The following PCSK5 variants were observed in gnomAD, a reference collection of about 807,000 sequenced individuals.
PCSK5 encodes prohormone convertase 5.
In PCSK5, 129 loss-of-function variants were observed where a neutral mutation model predicts 233.2. That is an observed-to-expected ratio of 0.55 (90% CI 0.48 to 0.64). PCSK5 has a LOEUF of 0.64. Ranked by LOEUF, PCSK5 falls within the 30% of genes least tolerant of loss-of-function variation. The pLI, the probability that PCSK5 is intolerant of heterozygous loss-of-function variation, is 0.00. For synonymous variants in PCSK5, 825 were observed against 879.2 expected, an observed-to-expected ratio of 0.94 and a Z score of 1.09; for missense variants, 2,076 against 2,430.1, an observed-to-expected ratio of 0.85 and a Z score of 3.06.
At chr9:76,108,367 G>C (rs765237958) in intron 9 of PCSK5, among the ~76,000 whole-genome samples, 2 of 152,206 alleles carry the variant, frequency 1.3e-5, no homozygotes, top group African/African-American at 4.8e-5. Flanking sequence ...GGGAGGAAGG[G>C]AAAGGCCCAT....
At chr9:76,229,728 CTG>C (rs1206843372) in intron 21 of PCSK5, among the ~76,000 whole-genome samples, 9 of 152,252 alleles carry the variant, frequency 5.9e-5, no homozygotes, top group African/African-American at 2.2e-4. Flanking sequence ...CCCTGACATG[CTG>C]TCTCTTTCAT....
chr9:76,332,536 C>T lies in PCSK5; in HGVS notation c.4674C>T (p.His1558=), dbSNP rs1829566422. Residue 1558 remains histidine, a synonymous_variant, in exon 34 of 38, where the codon CAC becomes CAT. Coordinates refer to ENST00000674117, the MANE Select transcript of PCSK5 (RefSeq NM_001372043.1). The part of the protein sequence containing the change: ...HSSCRTCEGR[H]SRQCHSCRPG... Reference sequence around the variant, plus strand: ...CTTGCAGGACATGTGAAGGGAGACACAGCAGGCAGTGCCACTCCTGCCGAC... The same window carrying T: ...CTTGCAGGACATGTGAAGGGAGACATAGCAGGCAGTGCCACTCCTGCCGAC... 23 of 1,612,534 alleles carry T rather than the reference C, an allele frequency of 1.4e-5. No homozygotes were observed. In the East Asian group the frequency reaches 5.1e-4, roughly 36 times the overall value.
intron 2 of PCSK5, among the ~76,000 whole-genome samples, chr9:75,964,772 G>A (rs777935782): frequency 3.3e-5 from 5 of 152,052 alleles, no homozygotes; most frequent in Admixed American, 6.6e-5. Context: ...TGCTCATTGC[G>A]TATCTACTAT....
chr9:76,092,889 G>C (rs1309892480), intron 7 of PCSK5, among the ~76,000 whole-genome samples: 1 of 151,944 alleles, frequency 6.6e-6, no homozygotes. Context: ...TTCCCTCTTA[G>C]TAGAGGAATT....
At chr9:76,002,980 CTT>C (rs1230417391) in intron 3 of PCSK5, among the ~76,000 whole-genome samples, 1 of 152,228 alleles carries the variant, frequency 6.6e-6, no homozygotes, top group Non-Finnish European at 1.5e-5. Flanking sequence ...TGGGTACACA[CTT>C]TGCTTTCCAT....
chr9:75,935,596 C>A (rs1273225951), intron 2 of PCSK5, among the ~76,000 whole-genome samples: 1 of 152,114 alleles, frequency 6.6e-6, no homozygotes, highest in Non-Finnish European at 1.5e-5. Context: ...TTGATTGCCT[C>A]TTTTCAGGGC....
chr9:76,251,994 G>A (rs996059325), intron 24 of PCSK5, among the ~76,000 whole-genome samples: 1 of 152,026 alleles, frequency 6.6e-6, no homozygotes, highest in Non-Finnish European at 1.5e-5. Context: ...GAGGCCGGGC[G>A]TGGTGGCTCA....
chr9:75,956,894 C>T (rs1281108188), intron 2 of PCSK5, among the ~76,000 whole-genome samples: 2 of 152,112 alleles, frequency 1.3e-5, no homozygotes, highest in African/African-American at 4.8e-5. Context: ...ACATAAGTCA[C>T]AAATTGTGAA....
intron 13 of PCSK5, among the ~76,000 whole-genome samples, chr9:76,173,793 T>C (rs575728413): frequency 1.3e-5 from 2 of 151,784 alleles, no homozygotes; most frequent in East Asian, 3.9e-4. Flanking sequence ...ACCAACATGG[T>C]GAAACCCTGT....
Position 76,344,215 on chromosome 9 carries a change from G to A in PCSK5, c.4966+5768G>A, listed in dbSNP as rs73652927. ...GGTTTCAAATGATATTTTAGCAGTG[G>A]CCACCTTCCTCAGATAAAATCTGAG... On this transcript the variant is annotated intron_variant, in intron 35 of 37. Coordinates refer to ENST00000674117, the MANE Select transcript of PCSK5 (RefSeq NM_001372043.1). Among the ~76,000 whole-genome samples the A allele has an allele frequency of 8.1e-3, 1,238 of 152,190 alleles. 7 individuals carry two copies. Among genetic ancestry groups the A allele is most frequent in the African/African-American group, 0.028 (1,151 of 41,520 alleles).
intron 32 of PCSK5, among the ~76,000 whole-genome samples, chr9:76,325,665 TGC>T (rs1347880395): frequency 6.6e-6 from 1 of 152,140 alleles, no homozygotes; most frequent in South Asian, 2.1e-4. Flanking sequence ...GACGGAGTTT[TGC>T]TCTCGTTGCT....
At position 76,361,064 on chromosome 9, in the gene PCSK5, G is replaced by A. The variant is rs984460195; in HGVS notation, c.*2142G>A. On this transcript the variant is annotated 3_prime_UTR_variant, in exon 38 of 38. Transcript: ENST00000674117. ...TTGATCATTTAAAATTATCTCCTTGGCCAGGCGTGGTGGCTCATACCTCTA... is the reference window on the plus strand; with the variant it reads ...TTGATCATTTAAAATTATCTCCTTGACCAGGCGTGGTGGCTCATACCTCTA... The A allele has an allele frequency of 1.3e-5, 2 of 152,072 alleles. No individual in the cohort carries two copies. The highest frequency in any genetic ancestry group is 2.9e-5 in the Non-Finnish European group (2 of 68,040). 9.4% of individuals were successfully genotyped at this position (152,072 alleles called of 1,614,324 possible). A position where few individuals can be genotyped will look rare whatever the true frequency, so the allele number is the denominator to read the frequency against.
intron 11 of PCSK5, among the ~76,000 whole-genome samples, chr9:76,157,698 T>A (rs922074340): frequency 1.3e-5 from 2 of 152,100 alleles, no homozygotes; most frequent in African/African-American, 4.8e-5. Flanking sequence ...CTTTTCTCTC[T>A]GAAAAATATT....
intron 35 of PCSK5, among the ~76,000 whole-genome samples, chr9:76,341,230 C>CA (rs11446663): frequency 0.39 from 58,148 of 150,184 alleles, 11,730 homozygotes; most frequent in East Asian, 0.75. Flanking sequence ...GCCTCAAAAA[C>CA]AAAAAAAAAG....
At chr9:76,182,701 T>C (rs1168366452) in intron 16 of PCSK5, among the ~76,000 whole-genome samples, 1 of 152,182 alleles carries the variant, frequency 6.6e-6, no homozygotes, top group African/African-American at 2.4e-5. Context: ...CTAGTGTGGC[T>C]CTGAAAAGGA....
At chr9:76,008,141 C>T (rs2131445650) in intron 3 of PCSK5, among the ~76,000 whole-genome samples, 1 of 152,222 alleles carries the variant, frequency 6.6e-6, no homozygotes, top group Admixed American at 6.5e-5. Flanking sequence ...CATTACTGGG[C>T]TTCTGCTTCC....
chr9:75,936,162 C>G (rs1232054471), intron 2 of PCSK5, among the ~76,000 whole-genome samples: 1 of 152,136 alleles, frequency 6.6e-6, no homozygotes, highest in Non-Finnish European at 1.5e-5. Flanking sequence ...ATCATCTGAG[C>G]CTTCAGTGAG....
chr9:76,256,279 G>A (rs577474146), intron 24 of PCSK5, among the ~76,000 whole-genome samples: 100 of 152,338 alleles, frequency 6.6e-4, no homozygotes, highest in Non-Finnish European at 1.2e-3. Context: ...CCCCGGAGCC[G>A]GGTATAATCG....
chr9:76,280,164 C>A (rs1051908330), intron 24 of PCSK5, among the ~76,000 whole-genome samples: 1 of 152,140 alleles, frequency 6.6e-6, no homozygotes, highest in African/African-American at 2.4e-5. Context: ...ATGGTGATCA[C>A]AGTGATCAGT....
Sources: gnomAD v4.1 joint callset for allele counts (sites outside exome capture counted in the v4.1 genomes callset) on GRCh38, gnomAD v4.1.1 for gene constraint, MANE v1.5 for transcripts, NCBI Gene and HGNC (gene_info 2026-07-23, HGNC 2026-07-21) for gene names.